Variants in MRO observed in about 807,000 individuals in gnomAD.
MRO encodes maestro, also known as protein maestro.
Under a neutral mutation model 31.0 loss-of-function variants are expected in MRO, and 28 were observed. The ratio of observed to expected loss-of-function variants is 0.90; its 90% CI spans 0.67 to 1.24. The LOEUF is 1.24. MRO is among the 50% of genes most tolerant of loss of function. MRO has a pLI of 0.00. For synonymous variants in MRO, 108 were observed against 108.4 expected (o/e 1.00, Z 0.02); for missense variants, 332 against 289.2 (o/e 1.15, Z -1.07).
At position 50,795,138 on chromosome 18, in the gene MRO, TAA is replaced by T. The variant is rs1294461174; in HGVS notation, c.*4197_*4198del. 1 of 152,226 alleles carries T rather than the reference TAA, an allele frequency of 6.6e-6. No individual in the cohort carries two copies. The highest frequency in any genetic ancestry group is 2.4e-5 in the African/African-American group (1 of 41,452). 9.4% of individuals were successfully genotyped at this position (152,226 alleles called of 1,614,324 possible). ...ACATAAATAAAATGATAATCAATCA[TAA>T]GTCATTTTATTTGTTATCAAGTTAT... is the stretch of plus-strand genomic sequence containing the variant. On this transcript the variant is annotated 3_prime_UTR_variant, in exon 8 of 8. Coordinates refer to ENST00000398439, the MANE Select transcript of MRO (RefSeq NM_031939.6).
At chr18:50,816,044 A>G (rs1268656424) in intron 2 of MRO, 1 of 152,448 alleles carries the variant, frequency 6.6e-6, no homozygotes, top group Non-Finnish European at 1.5e-5. Flanking sequence ...CAAAAAAAAT[A>G]AAAAAATAAA....
intron 2 of MRO, chr18:50,814,248 T>G (rs1914705414): frequency 6.6e-6 from 1 of 151,888 alleles, no homozygotes; most frequent in African/African-American, 2.4e-5. Flanking sequence ...ATTAGCATAC[T>G]TGTGAATTTT....
chr18:50,822,477 A>G (rs1043981315), upstream of MRO, among the ~76,000 whole-genome samples: 1 of 152,096 alleles, frequency 6.6e-6, no homozygotes, highest in Non-Finnish European at 1.5e-5. Context: ...TAGCGGGACT[A>G]CAGGCGCCTG....
intron 3 of MRO, among the ~76,000 whole-genome samples, chr18:50,808,481 C>T (rs1244268441): frequency 6.9e-6 from 1 of 144,214 alleles, no homozygotes; most frequent in Admixed American, 7.0e-5. Flanking sequence ...TAATTTAAGA[C>T]AGCGTCTCGC....
intron 4 of MRO, among the ~76,000 whole-genome samples, chr18:50,806,424 G>A (rs1233136552): frequency 6.6e-6 from 1 of 152,166 alleles, no homozygotes; most frequent in East Asian, 1.9e-4. Flanking sequence ...CGATGTAAGC[G>A]AACCCTGAGC....
In MRO at chr18:50,819,938, T is replaced by C; in HGVS notation, c.-168A>G. ...CATGCTGAGGTGTTTTTCCTTCTCC[T>C]TGCTGTGATTTCCCCTCCTTCTTCC... On this transcript the variant is annotated 5_prime_UTR_variant, in exon 1 of 8. Transcript: ENST00000398439. The C allele has an allele frequency of 6.4e-7, 1 of 1,551,724 alleles. No homozygotes were observed. Among genetic ancestry groups the C allele is most frequent in the Non-Finnish European group, 8.7e-7 (1 of 1,146,992 alleles).
In MRO at chr18:50,806,662, A is replaced by G. The variant is rs1913966089; in HGVS notation, c.246+42T>C. 1.9e-6 allele frequency: 3 copies of G among 1,612,016 alleles called. No individual in the cohort carries two copies. The African/African-American group carries it at 4.0e-5, about 22-fold the overall frequency. On this transcript the variant is annotated intron_variant, in intron 4 of 7. Transcript: ENST00000398439. ...GGAGTCTCCACACCAAGGTGGTTGG[A>G]GAGGCTTGGGGAGCTGGCTGAGCCC...
intron 5 of MRO, 33 bp from the exon 6 acceptor site, chr18:50,801,537 C>T: frequency 6.4e-7 from 1 of 1,557,366 alleles, no homozygotes; most frequent in Non-Finnish European, 8.7e-7. Context: ...AATAAGAAAG[C>T]CAGATCATTA....
chr18:50,822,399 G>C (rs1460011123), upstream of MRO, among the ~76,000 whole-genome samples: 2 of 142,456 alleles, frequency 1.4e-5, no homozygotes, highest in African/African-American at 5.1e-5. Context: ...AGTGCAGTGG[G>C]GGGAACTTGG....
intron 5 of MRO, 59 bp from the exon 6 acceptor site, chr18:50,801,563 A>G (rs1245752520): frequency 2.2e-5 from 32 of 1,470,758 alleles, no homozygotes; most frequent in Non-Finnish European, 2.9e-5. Context: ...AGGCAACTGC[A>G]TCTGAACACA....
chr18:50,807,446 C>T (rs1325239243), intron 3 of MRO, among the ~76,000 whole-genome samples: 5 of 152,196 alleles, frequency 3.3e-5, no homozygotes, highest in Admixed American at 3.3e-4. Flanking sequence ...CTCAATAGCA[C>T]TTGACACAAT....
chr18:50,815,532 G>A (rs768946189), intron 2 of MRO: 3 of 315,372 alleles, frequency 9.5e-6, no homozygotes, highest in African/African-American at 2.2e-5. Flanking sequence ...TATGGTGGCA[G>A]TGGTGGATGA....
intron 5 of MRO, 23 bp downstream of exon 5, chr18:50,805,131 C>T (rs1913784186): frequency 9.4e-6 from 15 of 1,596,962 alleles, no homozygotes; most frequent in East Asian, 4.5e-5. Context: ...TTCAATAACC[C>T]AGAATTTTTC....
intron 1 of MRO, among the ~76,000 whole-genome samples, chr18:50,825,074 TAAAAA>T (rs11451139): frequency 7.0e-6 from 1 of 141,900 alleles, no homozygotes; most frequent in African/African-American, 2.6e-5. Context: ...GATTCCATCT[TAAAAA>T]AAAAAAAAAT....
At chr18:50,803,450 T>C (rs1416787050) in intron 5 of MRO, among the ~76,000 whole-genome samples, 3 of 150,830 alleles carry the variant, frequency 2.0e-5, no homozygotes, top group African/African-American at 7.3e-5. Flanking sequence ...GAGGCTGCAG[T>C]GAGCTGTGTT....
Position 50,800,167 on chromosome 18 carries a change from T to C in MRO, c.586-24A>G, listed in dbSNP as rs746150363. 42 of 1,508,024 alleles carry C rather than the reference T, an allele frequency of 2.8e-5. No individual in the cohort carries two copies. The South Asian group carries it at 4.1e-4, about 15-fold the overall frequency. 93.4% of individuals were successfully genotyped at this position (1,508,024 alleles called of 1,614,324 possible). On this transcript the variant is annotated intron_variant, in intron 6 of 7. Coordinates refer to ENST00000398439, the MANE Select transcript of MRO (RefSeq NM_031939.6). The stretch of plus-strand genomic sequence containing the variant: ...GCCTGAGAAAAATAATATTACTATT[T>C]TATTTATTAGAGAGTTCCATAATCC...
intron 5 of MRO, among the ~76,000 whole-genome samples, chr18:50,803,283 G>C (rs1185746412): frequency 6.6e-6 from 1 of 152,234 alleles, no homozygotes; most frequent in Admixed American, 6.5e-5. Flanking sequence ...GCCGAGACAG[G>C]AGAATCGCTT....
chr18:50,817,910 A>G (rs1281585047), intron 2 of MRO, among the ~76,000 whole-genome samples: 2 of 152,168 alleles, frequency 1.3e-5, no homozygotes, highest in Non-Finnish European at 2.9e-5. Context: ...AAAAAATAAA[A>G]CAAATTAGGA....
At position 50,819,996 on chromosome 18, in the gene MRO, A is replaced by C; in HGVS notation, c.-226T>G. The C allele has an allele frequency of 6.5e-7, 1 of 1,540,400 alleles. No homozygotes were observed. On this transcript the variant is annotated 5_prime_UTR_variant, in exon 1 of 8. It adds an upstream start codon to the 5' untranslated region. Coordinates refer to ENST00000398439, the MANE Select transcript of MRO (RefSeq NM_031939.6). ...CAGCCTGGTCGACACTTTCTGCAGA[A>C]ATTCTGCAGATGGCAATTCTGGGGA...
Sources: gnomAD v4.1 joint callset for allele counts (sites outside exome capture counted in the v4.1 genomes callset) on GRCh38, gnomAD v4.1.1 for gene constraint, MANE v1.5 for transcripts, NCBI Gene and HGNC (gene_info 2026-07-23, HGNC 2026-07-21) for gene names.